The following ENTREP2 variants were observed in gnomAD, a reference collection of about 807,000 sequenced individuals.
ENTREP2 encodes the protein protein ENTREP2.
the ENTREP2 span, chr15:29,267,503 T>C: frequency 6.6e-6 from 1 of 152,222 alleles, no homozygotes; most frequent in Non-Finnish European, 1.5e-5. Flanking sequence ...CAAGTTAGCA[T>C]GAGCCGTAAT....
chr15:29,370,741 C>CAGATA, the ENTREP2 span, among the ~76,000 whole-genome samples: 4 of 152,050 alleles, frequency 2.6e-5, no homozygotes, highest in Non-Finnish European at 4.4e-5. Flanking sequence ...GAAGTGCAGG[C>CAGATA]AGGATAAGGA....
At chr15:29,501,971 T>G in the ENTREP2 span, among the ~76,000 whole-genome samples, 1 of 151,810 alleles carries the variant, frequency 6.6e-6, no homozygotes, top group Non-Finnish European at 1.5e-5. Flanking sequence ...ACTAAAGAAG[T>G]GCAAGACATA....
chr15:29,141,499 C>T, the ENTREP2 span, among the ~76,000 whole-genome samples: 1 of 152,132 alleles, frequency 6.6e-6, no homozygotes, highest in South Asian at 2.1e-4. Flanking sequence ...GGACAAGGGC[C>T]GGGGATTTGC....
chr15:29,474,985 C>G, the ENTREP2 span, among the ~76,000 whole-genome samples: 66 of 152,204 alleles, frequency 4.3e-4, no homozygotes, highest in Admixed American at 2.3e-3. Flanking sequence ...TTATATAAGG[C>G]AAATGTATGA....
the ENTREP2 span, among the ~76,000 whole-genome samples, chr15:29,221,995 GTGT>G: frequency 6.6e-6 from 1 of 152,182 alleles, no homozygotes; most frequent in African/African-American, 2.4e-5. Flanking sequence ...ATTTCAGTGT[GTGT>G]TGTTGTCAGA....
the ENTREP2 span, among the ~76,000 whole-genome samples, chr15:29,663,124 C>G: frequency 6.6e-6 from 1 of 152,182 alleles, no homozygotes; most frequent in Non-Finnish European, 1.5e-5. Flanking sequence ...CTCAGCCTCT[C>G]CATGCAGCAC....
chr15:29,372,536 G>C, the ENTREP2 span, among the ~76,000 whole-genome samples: 1 of 152,214 alleles, frequency 6.6e-6, no homozygotes, highest in East Asian at 1.9e-4. Context: ...TAACTGCCAT[G>C]TTGTTCAAGG....
At chr15:29,448,067 C>T in the ENTREP2 span, among the ~76,000 whole-genome samples, 3 of 151,608 alleles carry the variant, frequency 2.0e-5, no homozygotes, top group Non-Finnish European at 4.4e-5. Flanking sequence ...GAGCGAGACT[C>T]TCTGTCTCAA....
the ENTREP2 span, among the ~76,000 whole-genome samples, chr15:29,478,021 T>TATATATATATATA: frequency 1.1e-5 from 1 of 92,488 alleles, no homozygotes; most frequent in African/African-American, 4.6e-5. Context: ...ATATATATAT[T>TATATATATATATA]TTTTTTTTTT....
the ENTREP2 span, among the ~76,000 whole-genome samples, chr15:29,338,280 G>A: frequency 6.6e-6 from 1 of 151,738 alleles, no homozygotes. Flanking sequence ...GTAGGACAAG[G>A]GTTGGAATAG....
chr15:29,583,393 A>C, the ENTREP2 span, among the ~76,000 whole-genome samples: 1 of 152,224 alleles, frequency 6.6e-6, no homozygotes, highest in South Asian at 2.1e-4. Context: ...GCAAGAACAG[A>C]AAACCAAACA....
chr15:29,335,239 C>G, the ENTREP2 span, among the ~76,000 whole-genome samples: 1 of 152,190 alleles, frequency 6.6e-6, no homozygotes, highest in African/African-American at 2.4e-5. Context: ...TATTTTCTTT[C>G]CAGACTCGAA....
chr15:29,191,357 T>A, the ENTREP2 span, among the ~76,000 whole-genome samples: 1 of 152,074 alleles, frequency 6.6e-6, no homozygotes, highest in African/African-American at 2.4e-5. Flanking sequence ...TCCATATACT[T>A]CAGAAAAGGG....
the ENTREP2 span, among the ~76,000 whole-genome samples, chr15:29,626,696 C>T: frequency 6.6e-6 from 1 of 152,086 alleles, no homozygotes; most frequent in Non-Finnish European, 1.5e-5. Flanking sequence ...ATTTTACTGA[C>T]TGAAAACTTG....
chr15:29,440,845 AC>A, the ENTREP2 span, among the ~76,000 whole-genome samples: 1 of 151,830 alleles, frequency 6.6e-6, no homozygotes, highest in Non-Finnish European at 1.5e-5. Context: ...CTCTGTCTCT[AC>A]TCAGTCCTCC....
the ENTREP2 span, among the ~76,000 whole-genome samples, chr15:29,245,961 G>T: frequency 6.6e-6 from 1 of 152,090 alleles, no homozygotes; most frequent in African/African-American, 2.4e-5. Flanking sequence ...CTGACTGCAG[G>T]GACGGTCTTA....
chr15:29,198,885 A>G, the ENTREP2 span, among the ~76,000 whole-genome samples: 1 of 152,262 alleles, frequency 6.6e-6, no homozygotes, highest in African/African-American at 2.4e-5. Flanking sequence ...GGCATCTTTC[A>G]TTCAAAATTA....
At chr15:29,568,872 G>C in the ENTREP2 span, among the ~76,000 whole-genome samples, 4,545 of 152,268 alleles carry the variant, frequency 0.03, 111 homozygotes, top group Middle Eastern at 0.079. Context: ...TTTCTACTGT[G>C]TCCAATTAAT....
At chr15:29,493,125 C>CTTTTTT in the ENTREP2 span, among the ~76,000 whole-genome samples, 3 of 84,774 alleles carry the variant, frequency 3.5e-5, no homozygotes, top group Non-Finnish European at 6.6e-5. Context: ...CCTGACAACC[C>CTTTTTT]TTTTTTTTTT....
Sources: allele counts gnomAD v4.1 joint callset (sites outside exome capture counted in the v4.1 genomes callset), GRCh38; gene constraint gnomAD v4.1.1; transcripts MANE v1.5; gene names NCBI Gene and HGNC (gene_info 2026-07-23, HGNC 2026-07-21).